Variants in SNTG1 observed in about 807,000 individuals in gnomAD.
The protein encoded by SNTG1 is syntrophin gamma 1, also known as gamma-1-syntrophin.
In SNTG1, 39 loss-of-function variants were observed where a neutral mutation model predicts 74.7. That is an observed-to-expected ratio of 0.52 (90% CI 0.40 to 0.68). The LOEUF is 0.68. Among genes scored for constraint, SNTG1 ranks in the 30% least tolerant of loss-of-function variants. SNTG1 has a pLI of 0.00. For synonymous variants in SNTG1, 254 were observed against 217.1 expected (o/e 1.17, Z -1.49); for missense variants, 685 against 609.5 (o/e 1.12, Z -1.30).
At chr8:50,701,230 C>T (rs1223403982) in intron 15 of SNTG1, among the ~76,000 whole-genome samples, 1 of 152,102 alleles carries the variant, frequency 6.6e-6, no homozygotes, top group East Asian at 1.9e-4. Context: ...GCCAATTTAT[C>T]AATTTAAAAA....
At chr8:50,572,204 ACTCGT>A (rs980208011) in intron 12 of SNTG1, among the ~76,000 whole-genome samples, 16 of 151,412 alleles carry the variant, frequency 1.1e-4, no homozygotes, top group South Asian at 2.1e-4. Flanking sequence ...TTGTTATAAT[ACTCGT>A]CTCAGAGACT....
At chr8:50,098,514 A>T (rs569572411) in intron 1 of SNTG1, among the ~76,000 whole-genome samples, 1 of 152,286 alleles carries the variant, frequency 6.6e-6, no homozygotes, top group Non-Finnish European at 1.5e-5. Context: ...GGATGTGCAT[A>T]GGTTAAACAC....
Position 50,793,571 on chromosome 8 carries a change from G to T in SNTG1, c.*742G>T, listed in dbSNP as rs577700491. 1 of 151,858 alleles carries T rather than the reference G, an allele frequency of 6.6e-6. No homozygotes were observed. Among genetic ancestry groups the T allele is most frequent in the African/African-American group, 2.4e-5 (1 of 41,394 alleles). The allele number at this position is 151,858 out of a possible 1,614,324, so 9.4% of individuals were successfully genotyped here. On this transcript the variant is annotated 3_prime_UTR_variant, in exon 19 of 19. Coordinates refer to ENST00000642720, the MANE Select transcript of SNTG1 (RefSeq NM_018967.5). ...CAACAGTGTATTAATTTAATTATGA[G>T]TGATGGAAAATTTCATGAACCTCTC... is the stretch of plus-strand genomic sequence containing the variant.
intron 2 of SNTG1, among the ~76,000 whole-genome samples, chr8:50,262,795 G>A (rs1179318575): frequency 6.6e-6 from 1 of 151,898 alleles, no homozygotes; most frequent in Non-Finnish European, 1.5e-5. Context: ...GAAAAGACAT[G>A]GTAAAACTTT....
At chr8:50,631,253 T>C (rs912648166) in intron 13 of SNTG1, among the ~76,000 whole-genome samples, 1 of 152,230 alleles carries the variant, frequency 6.6e-6, no homozygotes, top group Non-Finnish European at 1.5e-5. Flanking sequence ...TGGGGCTTTG[T>C]ATAAGCACAC....
intron 1 of SNTG1, among the ~76,000 whole-genome samples, chr8:50,003,857 T>G (rs1814970853): frequency 6.6e-6 from 1 of 152,194 alleles, no homozygotes; most frequent in Non-Finnish European, 1.5e-5. Flanking sequence ...CTTCCAGGTG[T>G]CTCTCTCCTG....
intron 1 of SNTG1, among the ~76,000 whole-genome samples, chr8:49,922,844 C>G (rs1172653488): frequency 1.3e-5 from 2 of 151,900 alleles, no homozygotes; most frequent in Non-Finnish European, 2.9e-5. Flanking sequence ...TTATTTCTGT[C>G]AACTAAAAAA....
At chr8:49,932,785 T>C (rs1807714687) in intron 1 of SNTG1, among the ~76,000 whole-genome samples, 2 of 152,120 alleles carry the variant, frequency 1.3e-5, no homozygotes, top group Admixed American at 1.3e-4. Context: ...TCTCCTTTCC[T>C]CCCAGACCTT....
chr8:50,175,978 C>T (rs1652330405), intron 2 of SNTG1, among the ~76,000 whole-genome samples: 1 of 152,114 alleles, frequency 6.6e-6, no homozygotes, highest in Admixed American at 6.6e-5. Flanking sequence ...GCCTGGGTGT[C>T]CTCAGCTGTC....
intron 1 of SNTG1, among the ~76,000 whole-genome samples, chr8:50,035,455 A>C (rs1818075441): frequency 6.6e-6 from 1 of 152,056 alleles, no homozygotes; most frequent in Non-Finnish European, 1.5e-5. Flanking sequence ...ACATATCCTT[A>C]TTTTCTGGGT....
At chr8:50,112,515 CTTTTTTTTTTT>C (rs34942560) in intron 1 of SNTG1, among the ~76,000 whole-genome samples, 3 of 77,582 alleles carry the variant, frequency 3.9e-5, no homozygotes, top group Admixed American at 4.5e-4. Context: ...TTAGTTCTTT[CTTTTTTTTTTT>C]TTTTTTTTTT....
intron 8 of SNTG1, chr8:50,458,233 G>T (rs907244741): frequency 6.7e-6 from 1 of 149,094 alleles, no homozygotes; most frequent in African/African-American, 2.4e-5. Context: ...ACAAAGCAAG[G>T]TTTATTGAAC....
upstream of SNTG1, among the ~76,000 whole-genome samples, chr8:49,910,094 A>G (rs1469028018): frequency 6.6e-6 from 1 of 152,194 alleles, no homozygotes; most frequent in East Asian, 1.9e-4. Context: ...CCTGGAATGG[A>G]TGGTTCCAGA....
intron 1 of SNTG1, among the ~76,000 whole-genome samples, chr8:50,003,499 T>C (rs531935157): frequency 2.0e-5 from 3 of 151,566 alleles, no homozygotes; most frequent in African/African-American, 7.3e-5. Flanking sequence ...TTATTTAATT[T>C]AAAAGATAAA....
chr8:50,016,330 A>T (rs1171034373), intron 1 of SNTG1, among the ~76,000 whole-genome samples: 1 of 152,018 alleles, frequency 6.6e-6, no homozygotes. Flanking sequence ...ATTTTTTAAA[A>T]TTTTTCACTC....
At chr8:50,013,504 T>C (rs199877369) in intron 1 of SNTG1, among the ~76,000 whole-genome samples, 16 of 144,880 alleles carry the variant, frequency 1.1e-4, no homozygotes, top group Non-Finnish European at 2.3e-4. Context: ...GATAGATAGA[T>C]AGAGATATAT....
At chr8:50,341,370 C>G (rs1244196377) in intron 2 of SNTG1, among the ~76,000 whole-genome samples, 1 of 151,792 alleles carries the variant, frequency 6.6e-6, no homozygotes, top group Non-Finnish European at 1.5e-5. Context: ...ACTTTTTCCC[C>G]CATCTGCATA....
At chr8:50,248,098 A>G (rs1242315918) in intron 2 of SNTG1, among the ~76,000 whole-genome samples, 1 of 152,122 alleles carries the variant, frequency 6.6e-6, no homozygotes, top group Non-Finnish European at 1.5e-5. Flanking sequence ...CATCTGTCAT[A>G]TTGAATTAGG....
chr8:49,951,525 G>A (rs541804978), intron 1 of SNTG1, among the ~76,000 whole-genome samples: 69 of 150,986 alleles, frequency 4.6e-4, no homozygotes, highest in African/African-American at 1.6e-3. Context: ...ACCAAACACC[G>A]CATATTCTCA....
Sources: gnomAD v4.1 joint callset for allele counts (sites outside exome capture counted in the v4.1 genomes callset) on GRCh38, gnomAD v4.1.1 for gene constraint, MANE v1.5 for transcripts, NCBI Gene and HGNC (gene_info 2026-07-23, HGNC 2026-07-21) for gene names.